The following CHUK variants were observed in gnomAD, a reference collection of about 807,000 sequenced individuals.
The protein encoded by CHUK is component of inhibitor of nuclear factor kappa B kinase complex, also known as inhibitor of nuclear factor kappa-B kinase subunit alpha.
A neutral mutation model predicts 104.8 loss-of-function variants in CHUK; 35 were observed. The observed-to-expected ratio is 0.33, with a 90% confidence interval of 0.26 to 0.44. The LOEUF is 0.44. Ranked by LOEUF, CHUK falls within the 20% of genes least tolerant of loss-of-function variation. CHUK has a pLI of 1.00. For missense variants in CHUK, 663 were observed against 902.7 expected (o/e 0.73, Z 3.40); for synonymous variants, 276 against 291.9 (o/e 0.95, Z 0.56).
In CHUK at chr10:100,188,453, A is replaced by G. The variant is rs181708273; in HGVS notation, c.*1145T>C. 1.2e-4 allele frequency: 19 copies of G among 152,794 alleles called. No individual in the cohort carries two copies. The highest frequency in any genetic ancestry group is 1.0e-3 in the South Asian group (5 of 4,830). The allele number at this position is 152,794 out of a possible 1,614,324, so 9.5% of individuals were successfully genotyped here. The stretch of plus-strand genomic sequence containing the variant: ...TTTTTTAAGACAAATAATATCTTCT[A>G]AATTACTTAGCAGATGATAGAGGTC... On this transcript the variant is annotated 3_prime_UTR_variant, in exon 21 of 21. Transcript: ENST00000370397.
At position 100,189,530 on chromosome 10, in the gene CHUK, G is replaced by T; in HGVS notation, c.*68C>A. On this transcript the variant is annotated 3_prime_UTR_variant, in exon 21 of 21. Transcript: ENST00000370397. ...ATGTCTGAAGAATGGTTTCATGGGG[G>T]AAAAACACATTTCCAACATGTATAG... 1 of 1,287,884 alleles carries T rather than the reference G, an allele frequency of 7.8e-7. No homozygotes were observed. Among genetic ancestry groups the T allele is most frequent in the Non-Finnish European group, 1.1e-6 (1 of 882,430 alleles). 79.8% of individuals were successfully genotyped at this position (1,287,884 alleles called of 1,614,324 possible).
chr10:100,193,460 A>G (rs752966481), intron 18 of CHUK, 29 bp from the exon 19 acceptor site: 1 of 1,613,532 alleles, frequency 6.2e-7, no homozygotes, highest in Non-Finnish European at 8.5e-7. Context: ...ACATCAAAAG[A>G]TTACAGGCAA....
intron 19 of CHUK, 66 bp from the exon 20 acceptor site, chr10:100,191,034 C>G: frequency 2.1e-6 from 2 of 947,880 alleles, no homozygotes; most frequent in South Asian, 2.6e-5. Flanking sequence ...CCTCTACTTT[C>G]TAGTCTTCTA....
intron 3 of CHUK, 46 bp from the exon 4 acceptor site, chr10:100,222,227 G>T (rs1469276971): frequency 2.0e-6 from 2 of 995,298 alleles, no homozygotes; most frequent in South Asian, 1.3e-5. Flanking sequence ...AAATTGCTGG[G>T]CTGCAATAGT....
intron 13 of CHUK, among the ~76,000 whole-genome samples, chr10:100,202,432 CA>C (rs1203382086): frequency 1.3e-5 from 2 of 152,176 alleles, no homozygotes; most frequent in Non-Finnish European, 1.5e-5. Context: ...TACAGATACA[CA>C]GGGGAGAATG....
intron 1 of CHUK, among the ~76,000 whole-genome samples, chr10:100,227,482 T>G (rs1234953932): frequency 6.6e-6 from 1 of 151,248 alleles, no homozygotes; most frequent in Non-Finnish European, 1.5e-5. Context: ...TTTTTCCTTA[T>G]GACCAGGCGG....
At chr10:100,190,455 T>C (rs1845170980) in intron 20 of CHUK, 1 of 210,638 alleles carries the variant, frequency 4.7e-6, no homozygotes, top group Non-Finnish European at 9.7e-6. Context: ...AGTAACCAAA[T>C]CTTAACACAC....
In CHUK at chr10:100,220,693, A is replaced by C; in HGVS notation, c.386-17T>G. ...TCCCAGACCCTAAATAAAGTTTAAA[A>C]TATACTTTAAAGTAACAGAAATCAT... On this transcript the variant is annotated splice_polypyrimidine_tract_variant and intron_variant, in intron 4 of 20. Coordinates refer to ENST00000370397, the MANE Select transcript of CHUK (RefSeq NM_001278.5). The C allele has an allele frequency of 6.5e-7, 1 of 1,532,630 alleles. No homozygotes were observed. The highest frequency in any genetic ancestry group is 9.0e-7 in the Non-Finnish European group (1 of 1,106,492). 94.9% of individuals were successfully genotyped at this position (1,532,630 alleles called of 1,614,324 possible).
intron 16 of CHUK, chr10:100,194,833 C>T (rs1439049166): frequency 1.1e-5 from 2 of 188,886 alleles, no homozygotes; most frequent in Non-Finnish European, 2.2e-5. Context: ...GCCCTAGACA[C>T]AAATGCAGCC....
chr10:100,186,708 A>C (rs1845018315), downstream of CHUK: 1 of 152,222 alleles, frequency 6.6e-6, no homozygotes, highest in South Asian at 2.1e-4. Context: ...TGTTCGTTTT[A>C]AATTAAAAAA....
intron 13 of CHUK, among the ~76,000 whole-genome samples, chr10:100,204,132 A>G (rs1035054901): frequency 6.6e-6 from 1 of 152,090 alleles, no homozygotes; most frequent in African/African-American, 2.4e-5. Context: ...ACCTACCAAC[A>G]CCTTCACCTT....
At chr10:100,212,700 G>T (rs565523412) in intron 9 of CHUK, among the ~76,000 whole-genome samples, 1 of 152,134 alleles carries the variant, frequency 6.6e-6, no homozygotes, top group East Asian at 1.9e-4. Context: ...CAAATAAGTG[G>T]TGCTACAGAA....
Position 100,204,535 on chromosome 10 carries a change from C to G in CHUK, c.1478G>C (p.Arg493Thr). ...CCCATACGTCATCTGCTCGCTGTAT[C>G]TCTCCAAGTCAAGCTGAATGCTTTT... is the stretch of plus-strand genomic sequence containing the variant. The part of the protein sequence containing the change: ...FHKSIQLDLE[R>T]YSEQMTYGIS... Residue 493 changes from arginine (R) to threonine (T), a missense_variant, in exon 13 of 21, where the codon AGA becomes ACA. Physicochemically the swap from Arg to Thr is moderately conservative, Grantham distance 71 (BLOSUM62 -1). Around this residue, in one of 5 missense-constraint regions of CHUK, gnomAD observed 311 missense variants for 393.4 expected, o/e 0.79. Coordinates refer to ENST00000370397, the MANE Select transcript of CHUK (RefSeq NM_001278.5). 3 of 1,613,738 alleles carry G rather than the reference C, an allele frequency of 1.9e-6. No homozygotes were observed. The highest frequency in any genetic ancestry group is 2.5e-6 in the Non-Finnish European group (3 of 1,179,760).
At chr10:100,195,796 T>G (rs545341705) in intron 16 of CHUK, 9 of 152,150 alleles carry the variant, frequency 5.9e-5, no homozygotes, top group African/African-American at 1.7e-4. Flanking sequence ...AAGGTGACAC[T>G]CAAAGAAGCT....
In CHUK at chr10:100,226,017, C is replaced by T; in HGVS notation, c.106G>A (p.Glu36Lys). Reference protein sequence around the residue: ...FGNVCLYQHRELDLKIAIKSC... With the variant: ...FGNVCLYQHRKLDLKIAIKSC... ...TTAATTGCTATTTTGAGATCAAGTT[C>T]CTGCCAAAATAGAAAATCAACAGAA... The change falls in exon 2 of 21, where the codon GAA becomes AAA. Residue 36 changes from glutamate to lysine, a missense_variant and splice_region_variant. Glu to Lys is a moderately conservative substitution (Grantham distance 56). This residue lies in a region of CHUK where 200 missense variants were observed against 333.0 expected (regional missense o/e 0.60). Transcript: ENST00000370397. The T allele has an allele frequency of 6.3e-7, 1 of 1,575,964 alleles. No individual in the cohort carries two copies. The highest frequency in any genetic ancestry group is 8.7e-7 in the Non-Finnish European group (1 of 1,145,650).
chr10:100,223,108 A>G (rs1846028382), intron 2 of CHUK, 128 bp from the exon 3 acceptor site: 1 of 556,364 alleles, frequency 1.8e-6, no homozygotes, highest in Non-Finnish European at 3.2e-6. Flanking sequence ...ATAATATTCT[A>G]ATTTCTGATT....
At chr10:100,197,799 GATCACTTGA>G (rs1325583839) in intron 16 of CHUK, among the ~76,000 whole-genome samples, 2 of 152,100 alleles carry the variant, frequency 1.3e-5, no homozygotes, top group Non-Finnish European at 2.9e-5. Context: ...GAAGTGGAAG[GATCACTTGA>G]ACCCAGGGAG....
chr10:100,227,788 C>G (rs1846138444), intron 1 of CHUK, among the ~76,000 whole-genome samples: 1 of 152,130 alleles, frequency 6.6e-6, no homozygotes, highest in Non-Finnish European at 1.5e-5. Context: ...CTCCTATCTC[C>G]CCTTTCTCCC....
In CHUK at chr10:100,204,563, G is replaced by A. The variant is rs758945642; in HGVS notation, c.1450C>T (p.His484Tyr). 19 of 1,613,512 alleles carry A rather than the reference G, an allele frequency of 1.2e-5. No homozygotes were observed. Among genetic ancestry groups the A allele is most frequent in the Non-Finnish European group, 1.6e-5 (19 of 1,179,614 alleles). ...QQLKAKLEFF[H>Y]KSIQLDLERY... ...TCCAAGTCAAGCTGAATGCTTTTGTGAAAAAACTCCAATTTAGCTTTCAGT... is the reference window on the plus strand; with the variant it reads ...TCCAAGTCAAGCTGAATGCTTTTGTAAAAAAACTCCAATTTAGCTTTCAGT... The change falls in exon 13 of 21, where the codon CAC (histidine) becomes TAC (tyrosine). Residue 484 changes from histidine (H) to tyrosine (Y), a missense_variant. Transcript: ENST00000370397.
Sources: gnomAD v4.1 joint callset for allele counts (sites outside exome capture counted in the v4.1 genomes callset) on GRCh38, gnomAD v4.1.1 for gene constraint, gnomAD v4.1.1 regional missense constraint, MANE v1.5 for transcripts, NCBI Gene and HGNC (gene_info 2026-07-23, HGNC 2026-07-21) for gene names.